FAM118B: variants seen among roughly 807,000 people sequenced by gnomAD.
FAM118B encodes the protein protein FAM118B.
A neutral mutation model predicts 38.5 loss-of-function variants in FAM118B; 24 were observed. That is an observed-to-expected ratio of 0.62 (90% CI 0.45 to 0.88). The LOEUF is 0.88. FAM118B is among the 40% of genes least tolerant of loss of function. The pLI, the probability that FAM118B is intolerant of heterozygous loss-of-function variation, is 0.00. For synonymous variants in FAM118B, 138 were observed against 156.3 expected, an observed-to-expected ratio of 0.88 and a Z score of 0.87; for missense variants, 334 against 420.0, an observed-to-expected ratio of 0.80 and a Z score of 1.79.
At position 126,262,193 on chromosome 11, in the gene FAM118B, T is replaced by C. The variant is rs1322092124; in HGVS notation, c.*60T>C. On this transcript the variant is annotated 3_prime_UTR_variant, in exon 9 of 9. Transcript: ENST00000533050. The stretch of plus-strand genomic sequence containing the variant: ...CTGTAAGGCCCTACTACAGACAGTG[T>C]TTAACAAGTAAACTTACAAGAACCC... 8.3e-6 allele frequency: 13 copies of C among 1,573,598 alleles called. No individual in the cohort carries two copies. Among genetic ancestry groups the C allele is most frequent in the Non-Finnish European group, 1.0e-5 (12 of 1,145,466 alleles).
rs1950085625 is a variant in FAM118B at position 126,223,078 on chromosome 11, C to T, written c.-76-6147C>T. On this transcript the variant is annotated intron_variant, in intron 1 of 8. Transcript: ENST00000533050. The stretch of plus-strand genomic sequence containing the variant: ...ATATCACTCTGAGGAAAGGCTGCAG[C>T]TGGGAACTTGAGGTGGGGCGGGGGA... Among the ~76,000 whole-genome samples the T allele has an allele frequency of 4.5e-5, 3 of 66,104 alleles. No individual in the cohort carries two copies. In the Admixed American group the frequency reaches 7.4e-4, roughly 16 times the overall value. 43.4% of individuals were successfully genotyped at this position (66,104 alleles called of 152,430 possible). A position where few individuals can be genotyped will look rare whatever the true frequency, so the allele number is the denominator to read the frequency against.
At chr11:126,220,112 A>T (rs947401534) in intron 1 of FAM118B, among the ~76,000 whole-genome samples, 1 of 152,198 alleles carries the variant, frequency 6.6e-6, no homozygotes, top group Non-Finnish European at 1.5e-5. Context: ...AGCAGTGGTT[A>T]GCTCCACGTT....
chr11:126,249,042 T>C (rs1196438240), intron 4 of FAM118B, among the ~76,000 whole-genome samples: 1 of 152,192 alleles, frequency 6.6e-6, no homozygotes, highest in Non-Finnish European at 1.5e-5. Flanking sequence ...GTATTCAAAA[T>C]GAATCTGAAA....
At chr11:126,214,386 G>GTT (rs1949936478) in intron 1 of FAM118B, 2 of 87,810 alleles carry the variant, frequency 2.3e-5, no homozygotes, top group South Asian at 5.2e-4. Context: ...CAAATGTCAT[G>GTT]TCTTTTTTTT....
chr11:126,245,323 C>T (rs1950405907), intron 4 of FAM118B: 1 of 151,700 alleles, frequency 6.6e-6, no homozygotes, highest in Admixed American at 6.6e-5. Flanking sequence ...TACAAGGGAC[C>T]TAGGGTAGCC....
intron 1 of FAM118B, among the ~76,000 whole-genome samples, chr11:126,217,974 T>C (rs1282781120): frequency 3.3e-5 from 5 of 152,234 alleles, no homozygotes; most frequent in African/African-American, 1.2e-4. Flanking sequence ...TCTCTATCTC[T>C]GGTGTTCTGC....
chr11:126,222,020 G>C (rs1316742155), intron 1 of FAM118B, among the ~76,000 whole-genome samples: 1 of 152,158 alleles, frequency 6.6e-6, no homozygotes, highest in African/African-American at 2.4e-5. Flanking sequence ...GTGTAGACTT[G>C]TTAAGAGTGT....
rs1202983613 is a variant in FAM118B at position 126,250,123 on chromosome 11, G to A, written c.340-383G>A. Among the ~76,000 whole-genome samples, 5 of 143,018 alleles carry A rather than the reference G, an allele frequency of 3.5e-5. 1 individual carries two copies. The South Asian group carries it at 8.8e-4, about 25-fold the overall frequency. The allele number at this position is 143,018 out of a possible 152,430, so 93.8% of individuals were successfully genotyped here. ...TTTTTTTTTTTTGAGATGGAGTCTC[G>A]CTCCGTCGCCCAGGCTGGAGTGCAG... On this transcript the variant is annotated intron_variant, in intron 4 of 8. Transcript: ENST00000533050. This position sits in a 1 kb window ranked among gnomAD's most constrained non-coding sequence, Gnocchi z 5.1.
rs150249125 is a variant in FAM118B, at chr11:126,236,110, G to A, written c.86+1023G>A. Among the ~76,000 whole-genome samples, 440 of 152,202 alleles carry A rather than the reference G, an allele frequency of 2.9e-3. 4 individuals carry two copies. The highest frequency in any genetic ancestry group is 9.7e-3 in the African/African-American group (402 of 41,518). On this transcript the variant is annotated intron_variant, in intron 3 of 8. Transcript: ENST00000533050. ...GACACTTGTTCTCCAGTCCTGTTGCGTTCCTGATATTTGCTATTTCCCATT... is the reference window on the plus strand; with the variant it reads ...GACACTTGTTCTCCAGTCCTGTTGCATTCCTGATATTTGCTATTTCCCATT...
chr11:126,235,219 T>C, intron 3 of FAM118B, 132 bp downstream of exon 3: 1 of 748,274 alleles, frequency 1.3e-6, no homozygotes, highest in Non-Finnish European at 2.2e-6. Context: ...ATTAAATTGT[T>C]TTTATTTTGG....
rs1388239342 is a variant in FAM118B, at chr11:126,256,803, A to T, written c.933A>T (p.Pro311=). ...ISYGDDYADL[P]EYFKRLTCEI... ...ATGGAGATGACTATGCCGATCTTCC[A>T]GAATATTTCAAGCGACTGACATGTG... is the stretch of plus-strand genomic sequence containing the variant. The change falls in exon 7 of 9, where the codon CCA becomes CCT. Residue 311 remains proline, a synonymous_variant. Coordinates refer to ENST00000533050, the MANE Select transcript of FAM118B (RefSeq NM_024556.4). This position sits in a 1 kb window ranked among gnomAD's most constrained non-coding sequence, Gnocchi z 6.6. 1.2e-6 allele frequency: 2 copies of T among 1,613,680 alleles called. No individual in the cohort carries two copies. The highest frequency in any genetic ancestry group is 2.2e-5 in the South Asian group (2 of 91,032).
intron 1 of FAM118B, chr11:126,214,490 G>GTTTTGTTTTTTTTTTTTT (rs1949942835): frequency 3.9e-5 from 1 of 25,846 alleles, no homozygotes; most frequent in African/African-American, 1.4e-4. Context: ...TTTTGTTTCT[G>GTTTTGTTTTTTTTTTTTT]TTTTTTTTTT....
At position 126,249,314 on chromosome 11, in the gene FAM118B, C is replaced by A. The variant is rs371069156; in HGVS notation, c.340-1192C>A. 9.2e-5 allele frequency among the ~76,000 whole-genome samples: 14 copies of A among 152,316 alleles called. No homozygotes were observed. The East Asian group carries it at 2.5e-3, about 27-fold the overall frequency. On this transcript the variant is annotated intron_variant, in intron 4 of 8. Coordinates refer to ENST00000533050, the MANE Select transcript of FAM118B (RefSeq NM_024556.4). ...TTTAAAAAACGTATTAAATTGTTTACGTTAACCTTTTGTATACTGGATATT... is the reference window on the plus strand; with the variant it reads ...TTTAAAAAACGTATTAAATTGTTTAAGTTAACCTTTTGTATACTGGATATT...
chr11:126,215,853 C>A (rs926494476), intron 1 of FAM118B, among the ~76,000 whole-genome samples: 4 of 151,122 alleles, frequency 2.6e-5, no homozygotes, highest in African/African-American at 9.7e-5. Flanking sequence ...TACAGAAAAT[C>A]ACAAAATTAG....
At chr11:126,249,658 C>T (rs540018532) in intron 4 of FAM118B, among the ~76,000 whole-genome samples, 2 of 125,672 alleles carry the variant, frequency 1.6e-5, no homozygotes, top group South Asian at 2.8e-4. Flanking sequence ...TTGAACCTGG[C>T]GGGGCGGAGG....
At chr11:126,248,438 T>C (rs1212614339) in intron 4 of FAM118B, among the ~76,000 whole-genome samples, 2 of 135,110 alleles carry the variant, frequency 1.5e-5, no homozygotes, top group South Asian at 2.7e-4. Context: ...TGGTGCGATC[T>C]TGGCTCACTA....
At chr11:126,213,814 G>C (rs1317896177) in intron 1 of FAM118B, among the ~76,000 whole-genome samples, 1 of 152,164 alleles carries the variant, frequency 6.6e-6, no homozygotes, top group African/African-American at 2.4e-5. Context: ...TAGGGTTTCA[G>C]GTTAACTCAA....
chr11:126,212,912 A>T (rs1035630126), intron 1 of FAM118B, among the ~76,000 whole-genome samples: 1 of 152,210 alleles, frequency 6.6e-6, no homozygotes, highest in Non-Finnish European at 1.5e-5. Flanking sequence ...CTGGAAATGA[A>T]TCTGGCAGTT....
rs971905070 is a variant in FAM118B at position 126,244,097 on chromosome 11, C to G, written c.339+3053C>G. ...AGCAAACAATAGAAGGTAACTACCTCAACACGATAAAGACCGTATATGAAA... is the reference window on the plus strand; with the variant it reads ...AGCAAACAATAGAAGGTAACTACCTGAACACGATAAAGACCGTATATGAAA... On this transcript the variant is annotated intron_variant, in intron 4 of 8. Coordinates refer to ENST00000533050, the MANE Select transcript of FAM118B (RefSeq NM_024556.4). The surrounding 1 kb of genome is among the most constrained non-coding windows in gnomAD (Gnocchi z 4.5). Among the ~76,000 whole-genome samples the G allele has an allele frequency of 1.3e-5, 2 of 152,048 alleles. No homozygotes were observed. The highest frequency in any genetic ancestry group is 4.8e-5 in the African/African-American group (2 of 41,410).
Sources: allele counts gnomAD v4.1 joint callset (sites outside exome capture counted in the v4.1 genomes callset), GRCh38; gene constraint gnomAD v4.1.1; non-coding constraint Gnocchi (gnomAD v3.1); transcripts MANE v1.5; gene names NCBI Gene and HGNC (gene_info 2026-07-23, HGNC 2026-07-21).